SYNE2: variants seen among roughly 807,000 people sequenced by gnomAD.
SYNE2 encodes nesprin-2.
Under a neutral mutation model 856.3 loss-of-function variants are expected in SYNE2, and 431 were observed. The ratio of observed to expected loss-of-function variants is 0.50; its 90% CI spans 0.47 to 0.55. SYNE2 has a LOEUF of 0.55. Ranked by LOEUF, SYNE2 falls within the 20% of genes least tolerant of loss-of-function variation. The pLI, the probability that SYNE2 is intolerant of heterozygous loss-of-function variation, is 0.00. For missense variants in SYNE2, 8,129 were observed against 8,023.2 expected, an observed-to-expected ratio of 1.01 and a Z score of -0.50; for synonymous variants, 2,923 against 2,872.3, an observed-to-expected ratio of 1.02 and a Z score of -0.56.
At chr14:64,173,143 G>A (rs2098418855) in intron 94 of SYNE2, among the ~76,000 whole-genome samples, 1 of 152,168 alleles carries the variant, frequency 6.6e-6, no homozygotes, top group South Asian at 2.1e-4. Context: ...GAGACGCAGT[G>A]CGTTAGGGTA....
chr14:64,037,832 T>C (rs1477033414), intron 45 of SYNE2, among the ~76,000 whole-genome samples: 41 of 135,030 alleles, frequency 3.0e-4, no homozygotes, highest in African/African-American at 7.1e-4. Flanking sequence ...GGCGGCTGGC[T>C]GGGCGGGGGG....
In SYNE2 at chr14:63,909,214, T is replaced by C; in HGVS notation, c.66T>C (p.His22=). The change falls in exon 2 of 116, where the codon CAT becomes CAC. Residue 22 remains histidine (H), a synonymous_variant. Coordinates refer to ENST00000555002, the MANE Select transcript of SYNE2 (RefSeq NM_182914.3). ...GTTCCTGGGGCATCGACGATCTCCATATTTCATTGCAAGGTAATTAAGATT... is the reference window on the plus strand; with the variant it reads ...GTTCCTGGGGCATCGACGATCTCCACATTTCATTGCAAGGTAATTAAGATT... ...EQGSWGIDDL[H]ISLQAEQEDT... 6.2e-7 allele frequency: 1 copy of C among 1,612,058 alleles called. No homozygotes were observed. The highest frequency in any genetic ancestry group is 2.2e-5 in the East Asian group (1 of 44,840).
chr14:63,924,146 C>T (rs972535819), intron 2 of SYNE2, among the ~76,000 whole-genome samples: 4 of 152,086 alleles, frequency 2.6e-5, no homozygotes, highest in African/African-American at 9.7e-5. Context: ...CTTGGCATGC[C>T]TGTCAGAAAT....
At chr14:64,118,252 C>G (rs781010752) in intron 66 of SYNE2, among the ~76,000 whole-genome samples, 10 of 152,134 alleles carry the variant, frequency 6.6e-5, no homozygotes, top group Admixed American at 2.6e-4. Context: ...AGTGCCCAGC[C>G]AGCTGGCATG....
chr14:63,867,829 A>G (rs1895829946), intron 1 of SYNE2, among the ~76,000 whole-genome samples: 1 of 152,222 alleles, frequency 6.6e-6, no homozygotes, highest in South Asian at 2.1e-4. Context: ...AGGTTGTGGC[A>G]GGAGGATCAC....
intron 94 of SYNE2, chr14:64,173,957 C>G (rs1370884744): frequency 5.7e-6 from 4 of 696,942 alleles, no homozygotes; most frequent in Admixed American, 4.1e-5. Context: ...CTTCGCTACT[C>G]TCTGCACACT....
At chr14:64,140,175 T>A in intron 80 of SYNE2, 102 bp downstream of exon 80, 1 of 1,208,228 alleles carries the variant, frequency 8.3e-7, no homozygotes, top group Non-Finnish European at 1.2e-6. Flanking sequence ...TATTTGTGGA[T>A]AAGGGGTAAG....
At chr14:63,995,236 T>C (rs1051597107) in intron 23 of SYNE2, 34 bp downstream of exon 23, 40 of 1,580,498 alleles carry the variant, frequency 2.5e-5, no homozygotes, top group Non-Finnish European at 3.2e-5. Context: ...AATTTTGTCA[T>C]CATTTTGGGG....
intron 1 of SYNE2, among the ~76,000 whole-genome samples, chr14:63,815,820 C>T (rs1888958373): frequency 6.6e-6 from 1 of 152,118 alleles, no homozygotes; most frequent in Non-Finnish European, 1.5e-5. Flanking sequence ...ACAAGATATG[C>T]TTCAAGCCTC....
intron 73 of SYNE2, 48 bp from the exon 74 acceptor site, chr14:64,128,404 A>G (rs1246092387): frequency 1.0e-6 from 1 of 977,958 alleles, no homozygotes; most frequent in East Asian, 2.4e-5. Context: ...AAAAAAAGAT[A>G]ATGAAGGCCT....
At position 64,025,427 on chromosome 14, in the gene SYNE2, A is replaced by G. The variant is rs1389726110; in HGVS notation, c.6252+6A>G. The G allele has an allele frequency of 1.2e-6, 2 of 1,609,802 alleles. No individual in the cohort carries two copies. Among genetic ancestry groups the G allele is most frequent in the African/African-American group, 1.3e-5 (1 of 75,044 alleles). ...AAAGAATCCAAAAAATCAAGGTATAACTATGGAAACTAAATTTCAGAAGTC... is the reference window on the plus strand; with the variant it reads ...AAAGAATCCAAAAAATCAAGGTATAGCTATGGAAACTAAATTTCAGAAGTC... On this transcript the variant is annotated splice_donor_region_variant and intron_variant, in intron 41 of 115. Transcript: ENST00000555002.
At chr14:64,154,203 A>G (rs1311148198) in intron 85 of SYNE2, among the ~76,000 whole-genome samples, 1 of 151,824 alleles carries the variant, frequency 6.6e-6, no homozygotes, top group Non-Finnish European at 1.5e-5. Context: ...ATTAGAGCTA[A>G]AAGTATAAAA....
intron 90 of SYNE2, 97 bp downstream of exon 90, chr14:64,165,507 A>C: frequency 7.4e-7 from 1 of 1,352,608 alleles, no homozygotes; most frequent in Non-Finnish European, 1.0e-6. Context: ...CTTGCATCCT[A>C]ACTCACTCTT....
At chr14:64,077,088 C>A (rs777969545) in intron 54 of SYNE2, among the ~76,000 whole-genome samples, 1 of 152,016 alleles carries the variant, frequency 6.6e-6, no homozygotes, top group East Asian at 1.9e-4. Flanking sequence ...CAAAATCAGT[C>A]GTTCAAATTC....
chr14:63,778,916 AGTC>A (rs771623033), intron 1 of SYNE2, among the ~76,000 whole-genome samples: 19,597 of 151,978 alleles, frequency 0.13, 1,626 homozygotes, highest in African/African-American at 0.23. Context: ...AAGTGTTGGG[AGTC>A]TCCCAAAGTA....
chr14:63,806,290 TTG>T (rs1437583239), intron 1 of SYNE2, among the ~76,000 whole-genome samples: 2 of 152,216 alleles, frequency 1.3e-5, no homozygotes, highest in Non-Finnish European at 2.9e-5. Flanking sequence ...ATTTGTTGAT[TTG>T]TGTGTGTTGA....
At chr14:63,853,225 A>T (rs564771850) in intron 1 of SYNE2, 82 bp downstream of exon 1, 1 of 145,518 alleles carries the variant, frequency 6.9e-6, no homozygotes, top group South Asian at 2.3e-4. Flanking sequence ...CGGGGGCGAG[A>T]GAGGGAAAGG....
At position 64,202,898 on chromosome 14, in the gene SYNE2, TC is replaced by T; in HGVS notation, c.18138del (p.Lys6047SerfsTer83). 1.2e-6 allele frequency: 2 copies of T among 1,614,212 alleles called. No individual in the cohort carries two copies. The highest frequency in any genetic ancestry group is 1.7e-6 in the Non-Finnish European group (2 of 1,180,026). On this transcript the variant is annotated frameshift_variant, in exon 100 of 116. Coordinates refer to ENST00000555002, the MANE Select transcript of SYNE2 (RefSeq NM_182914.3). LOFTEE classifies it high-confidence loss of function. Reference protein sequence around the residue: ...TWLARIESELSKPVVYDVCDD... With the variant: ...TWLARIESELXKPVVYDVCDD... ...GTTGGCTCGAATTGAGTCTGAGCTT[TC>T]CAAGCCTGTTGTTTATGATGTCTGC... is the stretch of plus-strand genomic sequence containing the variant.
intron 96 of SYNE2, among the ~76,000 whole-genome samples, chr14:64,183,521 G>C (rs77129907): frequency 6.6e-6 from 1 of 152,152 alleles, no homozygotes; most frequent in Non-Finnish European, 1.5e-5. Flanking sequence ...GGTGGCGGCC[G>C]GGCAGAGGCT....
Sources: allele counts gnomAD v4.1 joint callset (sites outside exome capture counted in the v4.1 genomes callset), GRCh38; gene constraint gnomAD v4.1.1; transcripts MANE v1.5; gene names NCBI Gene and HGNC (gene_info 2026-07-23, HGNC 2026-07-21).